The following SNTG2 variants were observed in gnomAD, a reference collection of about 807,000 sequenced individuals.
SNTG2 encodes gamma-2-syntrophin.
Under a neutral mutation model 70.9 loss-of-function variants are expected in SNTG2, and 74 were observed. That is an observed-to-expected ratio of 1.04 (90% CI 0.86 to 1.27). The LOEUF (loss-of-function observed/expected upper bound fraction) is 1.27, where lower values mean the gene tolerates loss of function less well. SNTG2 is among the 50% of genes most tolerant of loss of function. SNTG2 has a pLI of 0.00. For missense variants in SNTG2, 717 were observed against 690.7 expected, an observed-to-expected ratio of 1.04 and a Z score of -0.43; for synonymous variants, 278 against 273.8, an observed-to-expected ratio of 1.02 and a Z score of -0.15.
At chr2:962,595 G>GAATCAAC (rs772185849) in intron 1 of SNTG2, among the ~76,000 whole-genome samples, 2 of 152,208 alleles carry the variant, frequency 1.3e-5, no homozygotes, top group Non-Finnish European at 2.9e-5. Context: ...GGTACAAATA[G>GAATCAAC]AATCAACATA....
intron 4 of SNTG2, among the ~76,000 whole-genome samples, chr2:1,133,532 G>C (rs1668159656): frequency 6.6e-6 from 1 of 152,124 alleles, no homozygotes; most frequent in African/African-American, 2.4e-5. Flanking sequence ...TGTATAATGA[G>C]GCAGTGGCTG....
intron 2 of SNTG2, among the ~76,000 whole-genome samples, chr2:1,088,441 AT>A (rs1413779081): frequency 1.3e-5 from 2 of 151,864 alleles, no homozygotes; most frequent in East Asian, 2.1e-4. Flanking sequence ...TGCTCAGGGC[AT>A]GTGAGCTCTC....
chr2:1,366,450 G>T (rs2148327243), intron 16 of SNTG2, among the ~76,000 whole-genome samples: 1 of 152,318 alleles, frequency 6.6e-6, no homozygotes, highest in Non-Finnish European at 1.5e-5. Flanking sequence ...GGGGCAGTTT[G>T]TGGAGAGAAG....
intron 1 of SNTG2, among the ~76,000 whole-genome samples, chr2:1,021,315 A>G (rs1660159605): frequency 1.3e-5 from 2 of 152,172 alleles, no homozygotes; most frequent in Non-Finnish European, 2.9e-5. Context: ...GCACCCATAA[A>G]AGTCTGTTGA....
At chr2:1,192,088 A>G (rs1672629883) in intron 8 of SNTG2, among the ~76,000 whole-genome samples, 1 of 152,200 alleles carries the variant, frequency 6.6e-6, no homozygotes, top group African/African-American at 2.4e-5. Context: ...GTTGTATATA[A>G]ACAGCAGCTC....
At position 1,264,412 on chromosome 2, in the gene SNTG2, G is replaced by A. The variant is rs1261250068; in HGVS notation, c.1078-2953G>A. Among the ~76,000 whole-genome samples, 3 of 152,166 alleles carry A rather than the reference G, an allele frequency of 2.0e-5. No individual in the cohort carries two copies. The East Asian group carries it at 5.8e-4, about 29-fold the overall frequency. On this transcript the variant is annotated intron_variant, in intron 13 of 16. Transcript: ENST00000308624. ...ACGAGTGATCTCTCAGAGTTCTTGT[G>A]TACCTTCCCTCCTTCGTGTTGAGTC... is the stretch of plus-strand genomic sequence containing the variant.
At chr2:1,002,815 C>T (rs1325655389) in intron 1 of SNTG2, among the ~76,000 whole-genome samples, 1 of 151,476 alleles carries the variant, frequency 6.6e-6, no homozygotes, top group Non-Finnish European at 1.5e-5. Context: ...TACTGTGGCA[C>T]TATTCACAGT....
chr2:1,304,423 A>C (rs1294084765), intron 14 of SNTG2, among the ~76,000 whole-genome samples: 1 of 152,164 alleles, frequency 6.6e-6, no homozygotes, highest in Non-Finnish European at 1.5e-5. Flanking sequence ...GGTGTTCAGA[A>C]CACAGAAAAG....
At chr2:1,185,755 C>T (rs561676548) in intron 8 of SNTG2, among the ~76,000 whole-genome samples, 2 of 152,308 alleles carry the variant, frequency 1.3e-5, no homozygotes, top group African/African-American at 4.8e-5. Context: ...ATTCTTCCCT[C>T]CAAGACCTCT....
intron 9 of SNTG2, among the ~76,000 whole-genome samples, chr2:1,211,125 A>AC (rs1171918480): frequency 7.2e-5 from 11 of 152,316 alleles, no homozygotes; most frequent in African/African-American, 2.6e-4. Flanking sequence ...ATATAGCAGA[A>AC]TGTTTTAACA....
At chr2:981,663 ACAC>A (rs1661101358) in intron 1 of SNTG2, among the ~76,000 whole-genome samples, 1 of 152,232 alleles carries the variant, frequency 6.6e-6, no homozygotes, top group East Asian at 1.9e-4. Flanking sequence ...ATGCACATGA[ACAC>A]AGACCTGCAT....
At chr2:1,264,034 A>G (rs759753841) in intron 13 of SNTG2, among the ~76,000 whole-genome samples, 1 of 152,260 alleles carries the variant, frequency 6.6e-6, no homozygotes, top group African/African-American at 2.4e-5. Flanking sequence ...ATTGTTTTCT[A>G]TAAGTATGTT....
intron 11 of SNTG2, among the ~76,000 whole-genome samples, chr2:1,247,079 T>C (rs1314537032): frequency 1.3e-5 from 2 of 152,168 alleles, no homozygotes; most frequent in Non-Finnish European, 2.9e-5. Flanking sequence ...GAGAAGTCCA[T>C]TGGCCAAAAC....
At chr2:1,020,846 C>T (rs369249085) in intron 1 of SNTG2, among the ~76,000 whole-genome samples, 2 of 152,024 alleles carry the variant, frequency 1.3e-5, no homozygotes, top group East Asian at 3.9e-4. Flanking sequence ...TATTTTTTGC[C>T]AATAGTAACT....
intron 6 of SNTG2, among the ~76,000 whole-genome samples, chr2:1,141,928 C>T (rs530657112): frequency 6.5e-4 from 97 of 149,080 alleles, no homozygotes; most frequent in Non-Finnish European, 1.2e-3. Flanking sequence ...GCTCCAAGGA[C>T]GTGGCATCGC....
Position 1,140,549 on chromosome 2 carries a change from C to T in SNTG2, c.411+2740C>T, listed in dbSNP as rs74414672. ...CTGGTCTGTGATGGGACCACTGATC[C>T]CGAGTGAGGCGCTCTGGGAGGTGGT... On this transcript the variant is annotated intron_variant, in intron 6 of 16. Coordinates refer to ENST00000308624, the MANE Select transcript of SNTG2 (RefSeq NM_018968.4). Among the ~76,000 whole-genome samples, 306 of 152,344 alleles carry T rather than the reference C, an allele frequency of 2.0e-3. 1 individual carries two copies. The highest frequency in any genetic ancestry group is 7.3e-3 in the African/African-American group (302 of 41,588).
At chr2:1,342,392 T>C in intron 16 of SNTG2, among the ~76,000 whole-genome samples, 1 of 56,828 alleles carries the variant, frequency 1.8e-5, no homozygotes, top group Non-Finnish European at 3.3e-5. Flanking sequence ...CTGGCCCAGC[T>C]CTGTAGGACA....
At chr2:1,163,725 G>A (rs1670501441) in intron 6 of SNTG2, 1 of 152,348 alleles carries the variant, frequency 6.6e-6, no homozygotes, top group African/African-American at 2.4e-5. Context: ...GATTTCATGA[G>A]GTAAAAGGGA....
At chr2:1,326,988 A>T (rs1321992604) in intron 16 of SNTG2, among the ~76,000 whole-genome samples, 1 of 152,046 alleles carries the variant, frequency 6.6e-6, no homozygotes, top group Non-Finnish European at 1.5e-5. Flanking sequence ...GTCTTTCTTG[A>T]AATCTTCCTT....
Sources: gnomAD v4.1 joint callset for allele counts (sites outside exome capture counted in the v4.1 genomes callset) on GRCh38, gnomAD v4.1.1 for gene constraint, MANE v1.5 for transcripts, NCBI Gene and HGNC (gene_info 2026-07-23, HGNC 2026-07-21) for gene names.